Variants in PDE3A observed in about 807,000 individuals in gnomAD.
PDE3A encodes phosphodiesterase 3A.
In PDE3A, 43 loss-of-function variants were observed where a neutral mutation model predicts 98.3. The ratio of observed to expected loss-of-function variants is 0.44; its 90% confidence interval spans 0.34 to 0.56. The LOEUF is 0.56. Among genes scored for constraint, PDE3A ranks in the 20% least tolerant of loss-of-function variants. PDE3A has a pLI of 0.01. For synonymous variants in PDE3A, 663 were observed against 567.9 expected (o/e 1.17, Z -2.38); for missense variants, 1,427 against 1,440.7 (o/e 0.99, Z 0.15).
intron 15 of PDE3A, among the ~76,000 whole-genome samples, chr12:20,667,308 G>C (rs922898154): frequency 4.6e-5 from 7 of 152,028 alleles, no homozygotes; most frequent in Admixed American, 2.0e-4. Context: ...ATTTGTTTTT[G>C]TTGCCTGGGT....
At chr12:20,673,567 G>A (rs1161635015) in intron 15 of PDE3A, among the ~76,000 whole-genome samples, 1 of 149,854 alleles carries the variant, frequency 6.7e-6, no homozygotes, top group Non-Finnish European at 1.5e-5. Context: ...GGATGAAATT[G>A]GAAAACATCA....
intron 1 of PDE3A, among the ~76,000 whole-genome samples, chr12:20,409,853 T>C (rs1434023695): frequency 6.6e-6 from 1 of 152,210 alleles, no homozygotes; most frequent in African/African-American, 2.4e-5. Context: ...TTCAGCAAAT[T>C]CCTTAGCTTT....
chr12:20,454,349 T>C (rs1053059802), intron 1 of PDE3A, among the ~76,000 whole-genome samples: 1 of 152,208 alleles, frequency 6.6e-6, no homozygotes, highest in African/African-American at 2.4e-5. Context: ...CCTAACTGTA[T>C]TTTTCTGCAG....
At chr12:20,561,978 T>G (rs953818430) in intron 2 of PDE3A, among the ~76,000 whole-genome samples, 1 of 152,144 alleles carries the variant, frequency 6.6e-6, no homozygotes, top group Admixed American at 6.5e-5. Flanking sequence ...CTTTCTTTTT[T>G]TAAAAGTATA....
intron 1 of PDE3A, among the ~76,000 whole-genome samples, chr12:20,457,519 A>G (rs1466411787): frequency 6.6e-6 from 1 of 151,888 alleles, no homozygotes; most frequent in Non-Finnish European, 1.5e-5. Flanking sequence ...GTTGTACAAA[A>G]TATTTTAACT....
Position 20,369,128 on chromosome 12 carries a change from A to C in PDE3A, c.-157A>C, listed in dbSNP as rs1218449484. ...GAGTTATTCGAAAGCTGAAACTTTC[A>C]GTGGATTGTGGGCCTGGGGAGAAGA... is the stretch of plus-strand genomic sequence containing the variant. On this transcript the variant is annotated 5_prime_UTR_variant, in exon 1 of 16. Transcript: ENST00000359062. 16 of 560,050 alleles carry C rather than the reference A, an allele frequency of 2.9e-5. No individual in the cohort carries two copies. Among genetic ancestry groups the C allele is most frequent in the Non-Finnish European group, 4.7e-5 (15 of 322,226 alleles). The allele number at this position is 560,050 out of a possible 1,614,324, so 34.7% of individuals were successfully genotyped here. A position where few individuals can be genotyped will look rare whatever the true frequency, so the allele number is the denominator to read the frequency against.
At chr12:20,496,647 A>C (rs1301802817) in intron 1 of PDE3A, among the ~76,000 whole-genome samples, 1 of 152,128 alleles carries the variant, frequency 6.6e-6, no homozygotes, top group East Asian at 1.9e-4. Flanking sequence ...CGTTGTTGGA[A>C]TTCATCCAAA....
chr12:20,670,123 G>A (rs1945432010), intron 15 of PDE3A, among the ~76,000 whole-genome samples: 2 of 149,962 alleles, frequency 1.3e-5, no homozygotes, highest in East Asian at 2.0e-4. Flanking sequence ...AATGGTAAAG[G>A]GATCAATTCA....
chr12:20,626,287 T>C (rs1054017578), intron 5 of PDE3A, among the ~76,000 whole-genome samples: 14 of 147,402 alleles, frequency 9.5e-5, no homozygotes, highest in Admixed American at 5.3e-4. Context: ...ACCGATACGG[T>C]CTTCAAAATA....
intron 2 of PDE3A, among the ~76,000 whole-genome samples, chr12:20,607,731 G>A (rs1435617039): frequency 6.6e-6 from 1 of 151,584 alleles, no homozygotes; most frequent in Non-Finnish European, 1.5e-5. Flanking sequence ...TTTTTTAAAG[G>A]AAAAGATTTG....
In PDE3A at chr12:20,632,949, C is replaced by CT. The variant is rs5796876; in HGVS notation, c.1761-725dup. Among the ~76,000 whole-genome samples the CT allele has an allele frequency of 1.8e-3, 183 of 102,110 alleles. 11 individuals are homozygous for CT. Among genetic ancestry groups the CT allele is most frequent in the South Asian group, 4.5e-3 (12 of 2,682 alleles). 67.0% of individuals were successfully genotyped at this position (102,110 alleles called of 152,430 possible). A position where few individuals can be genotyped will look rare whatever the true frequency, so the allele number is the denominator to read the frequency against. On this transcript the variant is annotated intron_variant, in intron 6 of 15. Transcript: ENST00000359062. ...AAATAAAATAAATCTAATAATGAGG[C>CT]TTTTTTTTTTTTTTTTTTTGAGATG...
intron 1 of PDE3A, chr12:20,553,098 A>C: frequency 1.2e-6 from 1 of 802,902 alleles, no homozygotes. Context: ...AGTGGGCTTA[A>C]CTTAAACAGG....
intron 7 of PDE3A, 43 bp from the exon 8 acceptor site, chr12:20,634,859 C>T: frequency 6.7e-7 from 1 of 1,499,486 alleles, no homozygotes; most frequent in Non-Finnish European, 9.3e-7. Flanking sequence ...GCCCCCTTTC[C>T]CCATTGTAGA....
intron 1 of PDE3A, among the ~76,000 whole-genome samples, chr12:20,497,442 G>A (rs1945939555): frequency 6.6e-6 from 1 of 151,366 alleles, no homozygotes; most frequent in Non-Finnish European, 1.5e-5. Context: ...CTATTTTAAT[G>A]TTAACAAGAT....
At chr12:20,605,583 A>G (rs567261238) in intron 2 of PDE3A, among the ~76,000 whole-genome samples, 5 of 152,220 alleles carry the variant, frequency 3.3e-5, no homozygotes, top group African/African-American at 1.2e-4. Context: ...CCTTCAAAAG[A>G]TCCCGCCCAG....
At chr12:20,429,101 C>CA (rs1565546177) in intron 1 of PDE3A, among the ~76,000 whole-genome samples, 2 of 152,144 alleles carry the variant, frequency 1.3e-5, no homozygotes, top group Admixed American at 6.5e-5. Flanking sequence ...GTCGAATTTG[C>CA]AAAAAATGCA....
chr12:20,388,511 A>AT (rs1943854124), intron 1 of PDE3A, among the ~76,000 whole-genome samples: 1 of 152,084 alleles, frequency 6.6e-6, no homozygotes, highest in Non-Finnish European at 1.5e-5. Context: ...CAACTGATAC[A>AT]TTGAGAAGAA....
At chr12:20,481,890 G>T (rs1006407291) in intron 1 of PDE3A, among the ~76,000 whole-genome samples, 2 of 145,744 alleles carry the variant, frequency 1.4e-5, no homozygotes, top group African/African-American at 5.0e-5. Flanking sequence ...TCAGCCTCCC[G>T]AGTAGCTGGG....
At chr12:20,637,615 C>A (rs1944548812) in intron 9 of PDE3A, among the ~76,000 whole-genome samples, 1 of 152,032 alleles carries the variant, frequency 6.6e-6, no homozygotes, top group Admixed American at 6.6e-5. Context: ...TTTTTGATGA[C>A]TTTTTAAAAA....
Sources: gnomAD v4.1 joint callset for allele counts (sites outside exome capture counted in the v4.1 genomes callset) on GRCh38, gnomAD v4.1.1 for gene constraint, MANE v1.5 for transcripts, NCBI Gene and HGNC (gene_info 2026-07-23, HGNC 2026-07-21) for gene names.